Variants in DPY19L1 observed in about 807,000 individuals in gnomAD.
DPY19L1 encodes protein C-mannosyl-transferase DPY19L1.
A neutral mutation model predicts 96.9 loss-of-function variants in DPY19L1; 35 were observed. The ratio of observed to expected loss-of-function variants is 0.36; its 90% CI spans 0.28 to 0.48. The LOEUF (loss-of-function observed/expected upper bound fraction) is 0.48, where lower values mean the gene tolerates loss of function less well. Ranked by LOEUF, DPY19L1 falls within the 20% of genes least tolerant of loss-of-function variation. The probability of loss-of-function intolerance (pLI) is 0.99; values close to 1 mark genes in which losing one functional copy is unlikely to be tolerated. For missense variants in DPY19L1, 521 were observed against 777.9 expected (o/e 0.67, Z 3.93); for synonymous variants, 205 against 252.6 (o/e 0.81, Z 1.79).
At chr7:35,027,799 T>C (rs537912699) in intron 1 of DPY19L1, among the ~76,000 whole-genome samples, 3 of 151,728 alleles carry the variant, frequency 2.0e-5, no homozygotes, top group East Asian at 1.9e-4. Flanking sequence ...AATTGCGCCA[T>C]TGCACTCCAG....
At position 34,960,355 on chromosome 7, in the gene DPY19L1, T is replaced by C. The variant is rs377678050; in HGVS notation, c.1093-2285A>G. Among the ~76,000 whole-genome samples, 76 of 152,230 alleles carry C rather than the reference T, an allele frequency of 5.0e-4. 1 individual carries two copies. The highest frequency in any genetic ancestry group is 2.3e-3 in the South Asian group (11 of 4,822). ...CTTTTACATGCATTAGCAAGTATAG[T>C]TTTCTTTGTATAGATTCCTGCATAT... On this transcript the variant is annotated intron_variant, in intron 10 of 21. Coordinates refer to ENST00000638088, the MANE Select transcript of DPY19L1 (RefSeq NM_001366673.1).
chr7:34,983,444 T>C (rs1452052734), intron 7 of DPY19L1, among the ~76,000 whole-genome samples: 1 of 147,702 alleles, frequency 6.8e-6, no homozygotes, highest in Non-Finnish European at 1.5e-5. Flanking sequence ...AACAGAAAAA[T>C]GGAGGCTCTA....
At chr7:35,031,955 C>T (rs1786270225) in intron 1 of DPY19L1, among the ~76,000 whole-genome samples, 1 of 152,180 alleles carries the variant, frequency 6.6e-6, no homozygotes, top group Non-Finnish European at 1.5e-5. Context: ...ACAGCTGGTG[C>T]TCAGTTGGGT....
At chr7:35,002,341 T>C (rs886328034) in intron 6 of DPY19L1, among the ~76,000 whole-genome samples, 3 of 151,056 alleles carry the variant, frequency 2.0e-5, no homozygotes, top group Non-Finnish European at 4.4e-5. Flanking sequence ...AGCATGATAA[T>C]GAAAAATAAA....
intron 11 of DPY19L1, 24 bp from the exon 12 acceptor site, chr7:34,955,391 T>C: frequency 2.5e-6 from 4 of 1,599,964 alleles, no homozygotes; most frequent in Non-Finnish European, 3.4e-6. Context: ...AATAACATAG[T>C]ATACACAGTT....
At chr7:34,964,800 T>G (rs751860841) in intron 10 of DPY19L1, among the ~76,000 whole-genome samples, 2 of 152,114 alleles carry the variant, frequency 1.3e-5, no homozygotes, top group African/African-American at 4.8e-5. Context: ...ACAAAAATAA[T>G]GGATTACACT....
chr7:35,006,642 TA>T (rs1295982412), intron 6 of DPY19L1, among the ~76,000 whole-genome samples: 1 of 151,844 alleles, frequency 6.6e-6, no homozygotes, highest in African/African-American at 2.4e-5. Flanking sequence ...ATGAGTATTT[TA>T]AAAAAAATAC....
At chr7:34,946,320 G>A (rs1279912307) in intron 15 of DPY19L1, among the ~76,000 whole-genome samples, 6 of 152,214 alleles carry the variant, frequency 3.9e-5, no homozygotes, top group Middle Eastern at 6.8e-3. Flanking sequence ...CTTATCAGTC[G>A]AGATCAGTTC....
At chr7:35,009,781 C>T (rs536572928) in intron 6 of DPY19L1, among the ~76,000 whole-genome samples, 3 of 152,010 alleles carry the variant, frequency 2.0e-5, no homozygotes, top group Non-Finnish European at 4.4e-5. Flanking sequence ...TTTTTTACAC[C>T]AAAACTACAG....
intron 1 of DPY19L1, among the ~76,000 whole-genome samples, chr7:35,031,953 T>G (rs550643376): frequency 6.6e-6 from 1 of 152,320 alleles, no homozygotes; most frequent in East Asian, 1.9e-4. Flanking sequence ...TCACAGCTGG[T>G]GCTCAGTTGG....
Position 34,930,153 on chromosome 7 carries a change from G to T in DPY19L1, c.*1420C>A, listed in dbSNP as rs971747966. The T allele has an allele frequency of 6.6e-6, 1 of 152,236 alleles. No individual in the cohort carries two copies. Among genetic ancestry groups the T allele is most frequent in the Admixed American group, 6.5e-5 (1 of 15,292 alleles). 9.4% of individuals were successfully genotyped at this position (152,236 alleles called of 1,614,324 possible). On this transcript the variant is annotated 3_prime_UTR_variant, in exon 22 of 22. Coordinates refer to ENST00000638088, the MANE Select transcript of DPY19L1 (RefSeq NM_001366673.1). ...GGACAATCCACAATGAGGTTAATCT[G>T]CCTGTGGTTAAGAAAGAGAAGCTGT...
intron 18 of DPY19L1, among the ~76,000 whole-genome samples, chr7:34,940,554 T>C (rs1483074149): frequency 1.3e-5 from 2 of 152,108 alleles, no homozygotes; most frequent in Non-Finnish European, 2.9e-5. Context: ...CTCAACCTGC[T>C]TTCACTACTC....
At chr7:34,996,266 T>C (rs915190407) in intron 6 of DPY19L1, among the ~76,000 whole-genome samples, 2 of 152,196 alleles carry the variant, frequency 1.3e-5, no homozygotes, top group African/African-American at 4.8e-5. Context: ...CCTCATGTCA[T>C]TGTTGCTCTT....
intron 19 of DPY19L1, 136 bp downstream of exon 19, chr7:34,940,017 T>C: frequency 1.4e-6 from 1 of 726,414 alleles, no homozygotes; most frequent in Non-Finnish European, 2.0e-6. Context: ...TTGTTTTAGA[T>C]ATTCTAAAAG....
At chr7:34,964,032 G>A (rs997608105) in intron 10 of DPY19L1, among the ~76,000 whole-genome samples, 7 of 152,104 alleles carry the variant, frequency 4.6e-5, no homozygotes, top group Non-Finnish European at 1.0e-4. Context: ...AAAACAATGT[G>A]AATGTACTTA....
chr7:34,992,214 T>C (rs74401511), intron 6 of DPY19L1, among the ~76,000 whole-genome samples: 205 of 152,332 alleles, frequency 1.3e-3, no homozygotes, highest in Non-Finnish European at 2.2e-3. Flanking sequence ...TGCCTACTTG[T>C]ATGCAGTAGC....
At chr7:35,037,708 C>T (rs1398610051), upstream of DPY19L1, 4 of 576,380 alleles carry the variant, frequency 6.9e-6, no homozygotes, top group East Asian at 5.3e-4. Context: ...GCCGCGGCCC[C>T]GCCCCCGCCG....
intron 1 of DPY19L1, among the ~76,000 whole-genome samples, chr7:35,022,122 CT>C (rs767416990): frequency 1.3e-5 from 2 of 152,218 alleles, no homozygotes; most frequent in East Asian, 3.9e-4. Context: ...ATGATTTTCT[CT>C]AAGTTTATTC....
intron 13 of DPY19L1, among the ~76,000 whole-genome samples, chr7:34,950,559 A>T (rs1326858402): frequency 6.6e-6 from 1 of 152,226 alleles, no homozygotes; most frequent in African/African-American, 2.4e-5. Flanking sequence ...AGTCTAAAAA[A>T]GCAACAACCA....
Sources: allele counts gnomAD v4.1 joint callset (sites outside exome capture counted in the v4.1 genomes callset), GRCh38; gene constraint gnomAD v4.1.1; transcripts MANE v1.5; gene names NCBI Gene and HGNC (gene_info 2026-07-23, HGNC 2026-07-21).